The following LRMDA variants were observed in gnomAD, a reference collection of about 807,000 sequenced individuals.
LRMDA encodes leucine-rich melanocyte differentiation-associated protein.
LRMDA carries 18 observed loss-of-function variants against 29.8 expected under a neutral mutation model. The ratio of observed to expected loss-of-function variants is 0.60; its 90% CI spans 0.42 to 0.90. LRMDA has a LOEUF of 0.90. Among genes scored for constraint, LRMDA ranks in the 40% least tolerant of loss-of-function variants. The pLI is 0.00. For missense variants in LRMDA, 273 were observed against 273.9 expected (o/e 1.00, Z 0.02); for synonymous variants, 125 against 109.4 (o/e 1.14, Z -0.89).
At chr10:75,590,944 A>C (rs949520072) in intron 2 of LRMDA, among the ~76,000 whole-genome samples, 1 of 151,892 alleles carries the variant, frequency 6.6e-6, no homozygotes, top group Non-Finnish European at 1.5e-5. Context: ...GGGTTTCACC[A>C]TGTTGGCCAG....
chr10:75,853,672 C>T (rs973680487), intron 2 of LRMDA, among the ~76,000 whole-genome samples: 2 of 152,066 alleles, frequency 1.3e-5, no homozygotes, highest in Non-Finnish European at 2.9e-5. Context: ...GCAATTGTTC[C>T]CTGAGATATT....
chr10:76,371,001 A>G (rs1189485936), intron 6 of LRMDA, among the ~76,000 whole-genome samples: 2 of 152,182 alleles, frequency 1.3e-5, no homozygotes, highest in African/African-American at 4.8e-5. Context: ...AAATATTAAA[A>G]TGGGACTCTT....
intron 5 of LRMDA, among the ~76,000 whole-genome samples, chr10:76,198,968 A>G (rs1851379516): frequency 6.6e-6 from 1 of 152,146 alleles, no homozygotes; most frequent in Non-Finnish European, 1.5e-5. Flanking sequence ...CTCTGTATTT[A>G]TGGCTCTGTT....
chr10:76,087,719 G>T (rs1227979281), intron 5 of LRMDA, among the ~76,000 whole-genome samples: 4 of 152,130 alleles, frequency 2.6e-5, no homozygotes, highest in Non-Finnish European at 5.9e-5. Flanking sequence ...CAGGACCAAT[G>T]AACTGCAAAT....
intron 5 of LRMDA, among the ~76,000 whole-genome samples, chr10:76,169,861 G>T (rs776882633): frequency 6.6e-6 from 1 of 152,140 alleles, no homozygotes; most frequent in Non-Finnish European, 1.5e-5. Context: ...TGTCATTTGG[G>T]ATAGGACAGC....
chr10:76,126,927 T>C (rs1849894070), intron 5 of LRMDA, among the ~76,000 whole-genome samples: 1 of 152,224 alleles, frequency 6.6e-6, no homozygotes, highest in African/African-American at 2.4e-5. Context: ...TGCTGAAGGT[T>C]GGCCACTTCT....
chr10:76,058,958 G>A (rs1848661383), intron 5 of LRMDA, among the ~76,000 whole-genome samples, 175 bp downstream of exon 5: 1 of 152,156 alleles, frequency 6.6e-6, no homozygotes, highest in Admixed American at 6.5e-5. Flanking sequence ...GTGTAAATTG[G>A]ATCTTCCTGT....
At chr10:75,460,980 A>T (rs528063220) in intron 2 of LRMDA, among the ~76,000 whole-genome samples, 1 of 152,200 alleles carries the variant, frequency 6.6e-6, no homozygotes, top group Non-Finnish European at 1.5e-5. Context: ...TGAATTAAAG[A>T]TCATTATAAC....
At chr10:75,802,936 G>GTA (rs1843779701) in intron 2 of LRMDA, among the ~76,000 whole-genome samples, 1 of 106,284 alleles carries the variant, frequency 9.4e-6, no homozygotes, top group Admixed American at 9.4e-5. Flanking sequence ...TACATTATGT[G>GTA]TGTGTGTGTG....
At chr10:76,363,581 T>A (rs963570294) in intron 6 of LRMDA, among the ~76,000 whole-genome samples, 5 of 152,122 alleles carry the variant, frequency 3.3e-5, no homozygotes, top group Non-Finnish European at 5.9e-5. Context: ...TAGTGTGGTA[T>A]GTAAAATTAG....
intron 5 of LRMDA, among the ~76,000 whole-genome samples, chr10:76,119,433 T>C (rs1849735557): frequency 6.6e-6 from 1 of 152,116 alleles, no homozygotes; most frequent in Non-Finnish European, 1.5e-5. Context: ...CTGCAGGGGC[T>C]TTTTATTACT....
intron 6 of LRMDA, among the ~76,000 whole-genome samples, chr10:76,427,903 T>A (rs935467506): frequency 2.0e-5 from 3 of 152,166 alleles, no homozygotes; most frequent in African/African-American, 7.2e-5. Flanking sequence ...TGCTGGATTA[T>A]GTCTATTGAT....
At chr10:75,740,643 A>T (rs1010314468) in intron 2 of LRMDA, among the ~76,000 whole-genome samples, 1 of 152,178 alleles carries the variant, frequency 6.6e-6, no homozygotes, top group African/African-American at 2.4e-5. Context: ...AAACTGTACC[A>T]TGTGCCTGGC....
chr10:76,361,940 A>G (rs555411645), intron 6 of LRMDA, among the ~76,000 whole-genome samples: 13 of 152,206 alleles, frequency 8.5e-5, no homozygotes, highest in Non-Finnish European at 1.3e-4. Context: ...AAGAAGTGAC[A>G]TAAGAAGTAC....
At chr10:76,096,737 ATCTC>A (rs1395951552) in intron 5 of LRMDA, among the ~76,000 whole-genome samples, 12 of 151,934 alleles carry the variant, frequency 7.9e-5, no homozygotes, top group African/African-American at 1.9e-4. Flanking sequence ...TGAAGATGGT[ATCTC>A]TCTCTATTAA....
At chr10:76,523,451 C>A (rs1055879547) in intron 6 of LRMDA, among the ~76,000 whole-genome samples, 1 of 152,130 alleles carries the variant, frequency 6.6e-6, no homozygotes, top group South Asian at 2.1e-4. Flanking sequence ...CAACTCAAGG[C>A]GGGGTGAGAT....
At chr10:76,554,698 G>A (rs1261456048) in intron 6 of LRMDA, among the ~76,000 whole-genome samples, 1 of 152,204 alleles carries the variant, frequency 6.6e-6, no homozygotes, top group Non-Finnish European at 1.5e-5. Flanking sequence ...ACACATCCCA[G>A]CCCACGTTCC....
chr10:76,198,682 C>T (rs969230384), intron 5 of LRMDA, among the ~76,000 whole-genome samples: 1 of 152,166 alleles, frequency 6.6e-6, no homozygotes, highest in Non-Finnish European at 1.5e-5. Flanking sequence ...GGAGCTGCCC[C>T]CAGTCACAGA....
intron 2 of LRMDA, among the ~76,000 whole-genome samples, chr10:75,827,739 CGTTATCCATCTT>C (rs1844271901): frequency 6.6e-6 from 1 of 152,220 alleles, no homozygotes; most frequent in Non-Finnish European, 1.5e-5. Flanking sequence ...GCAGAATGTA[CGTTATCCATCTT>C]GTTATCCAGG....
Sources: gnomAD v4.1 joint callset for allele counts (sites outside exome capture counted in the v4.1 genomes callset) on GRCh38, gnomAD v4.1.1 for gene constraint, MANE v1.5 for transcripts, NCBI Gene and HGNC (gene_info 2026-07-23, HGNC 2026-07-21) for gene names.